ADCY2: variants seen among roughly 807,000 people sequenced by gnomAD.
The protein encoded by ADCY2 is adenylate cyclase 2, also known as adenylate cyclase type 2.
A neutral mutation model predicts 125.2 loss-of-function variants in ADCY2; 31 were observed. That is an observed-to-expected ratio of 0.25 (90% CI 0.19 to 0.33). The LOEUF (loss-of-function observed/expected upper bound fraction) is 0.33. Among genes scored for constraint, ADCY2 ranks in the 10% least tolerant of loss-of-function variants. The probability of loss-of-function intolerance (pLI) is 1.00; values close to 1 mark genes in which losing one functional copy is unlikely to be tolerated. For synonymous variants in ADCY2, 512 were observed against 548.4 expected (o/e 0.93, Z 0.93); for missense variants, 904 against 1,418.2 (o/e 0.64, Z 5.82).
At chr5:7,498,725 T>C (rs1160120126) in intron 2 of ADCY2, among the ~76,000 whole-genome samples, 1 of 152,204 alleles carries the variant, frequency 6.6e-6, no homozygotes, top group African/African-American at 2.4e-5. Context: ...TGTACAAGAA[T>C]GTTCACAGCA....
chr5:7,485,271 T>C (rs189738368), intron 2 of ADCY2, among the ~76,000 whole-genome samples: 1 of 152,280 alleles, frequency 6.6e-6, no homozygotes, highest in African/African-American at 2.4e-5. Flanking sequence ...AACTATCAAT[T>C]GGAAAAAGTA....
Position 7,695,108 on chromosome 5 carries a change from T to G in ADCY2, c.870-644T>G, listed in dbSNP as rs75196198. Among the ~76,000 whole-genome samples the G allele has an allele frequency of 1.3e-3, 193 of 152,336 alleles. 1 individual carries two copies. Among genetic ancestry groups the G allele is most frequent in the African/African-American group, 4.1e-3 (169 of 41,578 alleles). ...AAACATGTTATTGTGTAGGAAAAGT[T>G]GCAGTGCGCACACAGGTGCTGTGTT... On this transcript the variant is annotated intron_variant, in intron 5 of 24. Transcript: ENST00000338316.
Position 7,652,964 on chromosome 5 carries a change from G to T in ADCY2, c.720+26648G>T, listed in dbSNP as rs1191343156. Among the ~76,000 whole-genome samples the T allele has an allele frequency of 2.0e-5, 3 of 152,316 alleles. No homozygotes were observed. The East Asian group carries it at 5.8e-4, about 29-fold the overall frequency. ...TGTAGAAAAGGAAAAAAAGAAAAAAGAGGAAGAAGCAAGTTTTAGAATGGA... is the reference window on the plus strand; with the variant it reads ...TGTAGAAAAGGAAAAAAAGAAAAAATAGGAAGAAGCAAGTTTTAGAATGGA... On this transcript the variant is annotated intron_variant, in intron 4 of 24. Transcript: ENST00000338316.
chr5:7,432,283 C>T (rs1471318198), intron 2 of ADCY2, among the ~76,000 whole-genome samples: 1 of 152,008 alleles, frequency 6.6e-6, no homozygotes, highest in Non-Finnish European at 1.5e-5. Flanking sequence ...CTTCTTTCCT[C>T]CTGGGCACTG....
At chr5:7,443,596 C>T (rs371522578) in intron 2 of ADCY2, among the ~76,000 whole-genome samples, 5 of 128,486 alleles carry the variant, frequency 3.9e-5, no homozygotes, top group Admixed American at 2.8e-4. Flanking sequence ...GCCGAGATCA[C>T]GCCACTGCAC....
intron 18 of ADCY2, 127 bp from the exon 19 acceptor site, chr5:7,784,238 T>C: frequency 1.5e-6 from 1 of 659,348 alleles, no homozygotes. Flanking sequence ...TTGAAACTTG[T>C]GTTTGGCTGG....
chr5:7,805,082 G>A (rs112977608), intron 22 of ADCY2, among the ~76,000 whole-genome samples: 34 of 152,150 alleles, frequency 2.2e-4, no homozygotes, highest in African/African-American at 7.0e-4. Context: ...TTGGGAGGCC[G>A]AGGTGGGTGG....
intron 3 of ADCY2, among the ~76,000 whole-genome samples, chr5:7,545,681 G>T: frequency 6.6e-6 from 1 of 152,316 alleles, no homozygotes; most frequent in African/African-American, 2.4e-5. Flanking sequence ...CTTCAGAGGG[G>T]CAGTTAGTTC....
intron 2 of ADCY2, among the ~76,000 whole-genome samples, chr5:7,460,657 G>A (rs1391759834): frequency 6.6e-6 from 1 of 152,026 alleles, no homozygotes; most frequent in Non-Finnish European, 1.5e-5. Context: ...GGTTCACTTG[G>A]GGTTGGTGTT....
chr5:7,616,102 TTAGTC>T lies in ADCY2; in HGVS notation c.571-10060_571-10056del, dbSNP rs1313586272. On this transcript the variant is annotated intron_variant, in intron 3 of 24. Coordinates refer to ENST00000338316, the MANE Select transcript of ADCY2 (RefSeq NM_020546.3). ...TAAACAAAACTCCTGGGAATTTCGT[TTAGTC>T]TAGTAACATGATAAAAAGATTAATG... 1.4e-4 allele frequency among the ~76,000 whole-genome samples: 21 copies of T among 152,298 alleles called. No homozygotes were observed. The East Asian group carries it at 4.0e-3, about 29-fold the overall frequency.
At chr5:7,439,529 TACACACACAC>T (rs66460653) in intron 2 of ADCY2, among the ~76,000 whole-genome samples, 86 of 148,792 alleles carry the variant, frequency 5.8e-4, no homozygotes, top group South Asian at 3.9e-3. Context: ...TGGGTTAAGA[TACACACACAC>T]ACACACACAC....
At chr5:7,523,599 G>A (rs1190016588) in intron 3 of ADCY2, among the ~76,000 whole-genome samples, 1 of 152,162 alleles carries the variant, frequency 6.6e-6, no homozygotes, top group Non-Finnish European at 1.5e-5. Context: ...TGAAATGGGA[G>A]GTTTGTAGGT....
intron 2 of ADCY2, among the ~76,000 whole-genome samples, chr5:7,519,568 C>T (rs1744369890): frequency 6.6e-6 from 1 of 152,158 alleles, no homozygotes; most frequent in Admixed American, 6.5e-5. Context: ...ATCTCTGCTC[C>T]TTTTGTAATG....
At chr5:7,773,306 G>A (rs1034110746) in intron 18 of ADCY2, among the ~76,000 whole-genome samples, 1 of 152,206 alleles carries the variant, frequency 6.6e-6, no homozygotes, top group Non-Finnish European at 1.5e-5. Flanking sequence ...AACACACATA[G>A]AAGATGTGAA....
intron 7 of ADCY2, among the ~76,000 whole-genome samples, chr5:7,704,106 C>G (rs769660548): frequency 6.6e-6 from 1 of 152,136 alleles, no homozygotes; most frequent in Admixed American, 6.5e-5. Flanking sequence ...CTTTCATCCT[C>G]TCTCCCATGC....
chr5:7,619,986 G>A (rs988660549), intron 3 of ADCY2, among the ~76,000 whole-genome samples: 2 of 152,126 alleles, frequency 1.3e-5, no homozygotes, highest in African/African-American at 4.8e-5. Flanking sequence ...TTTGTAGGAG[G>A]AACTTTCTAT....
At position 7,761,146 on chromosome 5, in the gene ADCY2, TTC is replaced by T. The variant is rs1269379601; in HGVS notation, c.2094+3562_2094+3563del. ...GTATCAAAATTTCTTTTCTTTTCTT[TTC>T]TTTTTTTTTTTTTTTTTTTGAGATG... On this transcript the variant is annotated intron_variant, in intron 16 of 24. Transcript: ENST00000338316. 2.9e-3 allele frequency among the ~76,000 whole-genome samples: 224 copies of T among 76,244 alleles called. 2 individuals carry two copies. Among genetic ancestry groups the T allele is most frequent in the African/African-American group, 5.0e-3 (106 of 21,074 alleles). The allele number at this position is 76,244 out of a possible 152,430, so 50.0% of individuals were successfully genotyped here. A position where few individuals can be genotyped will look rare whatever the true frequency, so the allele number is the denominator to read the frequency against.
chr5:7,690,599 C>A, intron 4 of ADCY2, 92 bp from the exon 5 acceptor site: 1 of 1,207,250 alleles, frequency 8.3e-7, no homozygotes, highest in South Asian at 2.8e-5. Flanking sequence ...CCAAACTGGC[C>A]TTCCTACAAA....
intron 3 of ADCY2, among the ~76,000 whole-genome samples, chr5:7,573,097 G>A (rs1282663047): frequency 6.6e-6 from 1 of 152,088 alleles, no homozygotes; most frequent in Admixed American, 6.6e-5. Flanking sequence ...CAAGGAGAGA[G>A]GCCCTAGAAG....
Sources: gnomAD v4.1 joint callset for allele counts (sites outside exome capture counted in the v4.1 genomes callset) on GRCh38, gnomAD v4.1.1 for gene constraint, MANE v1.5 for transcripts, NCBI Gene and HGNC (gene_info 2026-07-23, HGNC 2026-07-21) for gene names.